MAP4K5: variants seen among roughly 807,000 people sequenced by gnomAD.
MAP4K5 encodes the protein mitogen-activated protein kinase kinase kinase kinase 5, also known as MAPK/ERK kinase kinase kinase 5.
Under a neutral mutation model 135.6 loss-of-function variants are expected in MAP4K5, and 82 were observed. The observed-to-expected ratio is 0.60, with a 90% confidence interval of 0.51 to 0.73. The LOEUF is 0.73. Among genes scored for constraint, MAP4K5 ranks in the 30% least tolerant of loss-of-function variants. The probability of loss-of-function intolerance (pLI) is 0.00; values close to 1 mark genes in which losing one functional copy is unlikely to be tolerated. For missense variants in MAP4K5, 907 were observed against 1,010.9 expected (o/e 0.90, Z 1.39); for synonymous variants, 347 against 335.0 (o/e 1.04, Z -0.39).
In MAP4K5 at chr14:50,558,214, C is replaced by G. The variant is rs115407905; in HGVS notation, c.-180+2826G>C. ...ACCCCGTCTCTACATACAAAAACAGCCAGGCGTGCTGGCGACCGCCAGTAA... is the reference window on the plus strand; with the variant it reads ...ACCCCGTCTCTACATACAAAAACAGGCAGGCGTGCTGGCGACCGCCAGTAA... On this transcript the variant is annotated intron_variant, in intron 1 of 8. Transcript: ENST00000555216. Among the ~76,000 whole-genome samples, 1,208 of 152,198 alleles carry G rather than the reference C, an allele frequency of 7.9e-3. 9 individuals are homozygous for G. Among genetic ancestry groups the G allele is most frequent in the African/African-American group, 0.027 (1,128 of 41,530 alleles).
At chr14:50,539,264 A>C (rs557600162) in intron 2 of MAP4K5, among the ~76,000 whole-genome samples, 2 of 152,304 alleles carry the variant, frequency 1.3e-5, no homozygotes, top group Admixed American at 6.5e-5. Flanking sequence ...CACAACATTG[A>C]AAGATCAATC....
chr14:50,445,714 C>G (rs1767684852), intron 17 of MAP4K5, among the ~76,000 whole-genome samples: 1 of 152,102 alleles, frequency 6.6e-6, no homozygotes, highest in African/African-American at 2.4e-5. Flanking sequence ...GGATTACAAG[C>G]ATACGCCACC....
At chr14:50,459,266 G>A (rs1174713780) in intron 13 of MAP4K5, among the ~76,000 whole-genome samples, 1 of 152,156 alleles carries the variant, frequency 6.6e-6, no homozygotes, top group Non-Finnish European at 1.5e-5. Flanking sequence ...TTACCATAGT[G>A]TTCCTATCTT....
At chr14:50,480,632 C>T (rs770328877) in intron 6 of MAP4K5, among the ~76,000 whole-genome samples, 2 of 152,046 alleles carry the variant, frequency 1.3e-5, no homozygotes, top group Non-Finnish European at 2.9e-5. Flanking sequence ...GAAAATAAGC[C>T]TCATTTTATA....
In MAP4K5 at chr14:50,443,751, AG is replaced by A; in HGVS notation, c.1456del (p.Leu486PhefsTer8). 6.2e-7 allele frequency: 1 copy of A among 1,600,062 alleles called. No individual in the cohort carries two copies. Among genetic ancestry groups the A allele is most frequent in the Non-Finnish European group, 8.5e-7 (1 of 1,176,200 alleles). On this transcript the variant is annotated frameshift_variant, in exon 20 of 33. Coordinates refer to ENST00000682126, the MANE Select transcript of MAP4K5 (RefSeq NM_006575.6). LOFTEE classifies it high-confidence loss of function. ...RDFPKPAINGLPPTPKVLMGA... is the reference protein window; with the variant it reads ...RDFPKPAINGXPPTPKVLMGA... ...TACCAGAACTTTTGGGGTGGGTGGAAGGCCATTGATGGCTGGTTTCTATGGG... is the reference window on the plus strand; with the variant it reads ...TACCAGAACTTTTGGGGTGGGTGGAAGCCATTGATGGCTGGTTTCTATGGG...
intron 9 of MAP4K5, chr14:50,472,159 TA>T (rs60203442): frequency 0.13 from 13,933 of 108,238 alleles, 914 homozygotes; most frequent in African/African-American, 0.24. Flanking sequence ...TCTATGAAGG[TA>T]AAAAAAAAAA....
chr14:50,451,120 A>G (rs2036474933), intron 14 of MAP4K5, among the ~76,000 whole-genome samples: 1 of 152,226 alleles, frequency 6.6e-6, no homozygotes, highest in Non-Finnish European at 1.5e-5. Context: ...ATACAGGTAT[A>G]GTACATATAT....
chr14:50,456,746 CG>C, intron 13 of MAP4K5, 152 bp from the exon 14 acceptor site: 1 of 574,870 alleles, frequency 1.7e-6, no homozygotes, highest in South Asian at 2.4e-5. Context: ...TACAATACTT[CG>C]GAAGTTTTTT....
At chr14:50,518,890 A>C (rs116020432) in intron 2 of MAP4K5, among the ~76,000 whole-genome samples, 104 of 152,320 alleles carry the variant, frequency 6.8e-4, no homozygotes, top group African/African-American at 2.4e-3. Context: ...GTGAACTCTC[A>C]GTCATTGTTG....
chr14:50,478,232 TTC>T (rs1415043547), intron 6 of MAP4K5, among the ~76,000 whole-genome samples: 4 of 152,144 alleles, frequency 2.6e-5, no homozygotes, highest in African/African-American at 4.8e-5. Context: ...TATTTGTAAA[TTC>T]TGTCTTGATA....
At chr14:50,485,370 T>C (rs1364570596) in intron 5 of MAP4K5, among the ~76,000 whole-genome samples, 1 of 152,158 alleles carries the variant, frequency 6.6e-6, no homozygotes, top group Non-Finnish European at 1.5e-5. Flanking sequence ...ATTATATAAA[T>C]ACTTTTGCAT....
chr14:50,511,649 A>T (rs1031468568), intron 2 of MAP4K5, among the ~76,000 whole-genome samples: 2 of 152,192 alleles, frequency 1.3e-5, no homozygotes, highest in East Asian at 1.9e-4. Context: ...GTATCGAAAC[A>T]TCACTATGAG....
At chr14:50,440,512 T>C (rs561685793) in intron 21 of MAP4K5, 71 bp from the exon 22 acceptor site, 11 of 769,942 alleles carry the variant, frequency 1.4e-5, no homozygotes, top group African/African-American at 1.4e-4. Context: ...ATAATGACTT[T>C]ACATTGTAAT....
chr14:50,451,898 A>G (rs1004035831), intron 14 of MAP4K5, among the ~76,000 whole-genome samples: 7 of 152,188 alleles, frequency 4.6e-5, no homozygotes, highest in Admixed American at 2.0e-4. Context: ...AAGACAATAT[A>G]GATGCTTCCT....
chr14:50,448,136 T>A (rs560704505), intron 15 of MAP4K5, among the ~76,000 whole-genome samples: 2 of 152,286 alleles, frequency 1.3e-5, no homozygotes, highest in South Asian at 4.1e-4. Context: ...TGCCTCAGCC[T>A]CCTGAGGAGC....
intron 1 of MAP4K5, among the ~76,000 whole-genome samples, chr14:50,548,676 A>AT (rs1199927322): frequency 2.6e-5 from 4 of 151,826 alleles, no homozygotes; most frequent in Admixed American, 6.6e-5. Context: ...CGCCCAGCTA[A>AT]TTTTTTTGTA....
chr14:50,514,934 C>T (rs113473246), intron 2 of MAP4K5, among the ~76,000 whole-genome samples: 4 of 149,952 alleles, frequency 2.7e-5, no homozygotes, highest in East Asian at 1.9e-4. Context: ...GATGGAGTCT[C>T]GCTCTGTCGC....
At chr14:50,541,238 G>A (rs1397506645) in intron 2 of MAP4K5, among the ~76,000 whole-genome samples, 1 of 152,092 alleles carries the variant, frequency 6.6e-6, no homozygotes, top group Non-Finnish European at 1.5e-5. Context: ...CATTCCAGAG[G>A]GACCTTTGTT....
At chr14:50,424,720 A>C (rs2139621053) in intron 31 of MAP4K5, among the ~76,000 whole-genome samples, 1 of 146,860 alleles carries the variant, frequency 6.8e-6, no homozygotes, top group South Asian at 2.2e-4. Flanking sequence ...AAAAAAAAAA[A>C]AAAAAAAAGA....
Sources: allele counts gnomAD v4.1 joint callset (sites outside exome capture counted in the v4.1 genomes callset), GRCh38; gene constraint gnomAD v4.1.1; transcripts MANE v1.5; gene names NCBI Gene and HGNC (gene_info 2026-07-23, HGNC 2026-07-21).